Variants in PTPRN2 observed in about 807,000 individuals in gnomAD.
PTPRN2 encodes receptor-type tyrosine-protein phosphatase N2.
A neutral mutation model predicts 118.8 loss-of-function variants in PTPRN2; 74 were observed. That is an observed-to-expected ratio of 0.62 (90% CI 0.52 to 0.76). PTPRN2 has a LOEUF of 0.76. Among genes scored for constraint, PTPRN2 ranks in the 30% least tolerant of loss-of-function variants. The pLI is 0.00. For missense variants in PTPRN2, 1,481 were observed against 1,394.4 expected (o/e 1.06, Z -0.99); for synonymous variants, 641 against 608.0 (o/e 1.05, Z -0.80).
In PTPRN2 at chr7:157,587,894, A is replaced by C. The variant is rs546967677; in HGVS notation, c.2496+7344T>G. ...GGCTCTCCCCATGCCTGGGTTCCCA[A>C]GGTGGCTGTCCCCGTGCCTGGGCTC... On this transcript the variant is annotated intron_variant, in intron 17 of 22. Transcript: ENST00000389418. The surrounding 1 kb of genome is among the most constrained non-coding windows in gnomAD (Gnocchi z 5.3). 7.8e-4 allele frequency among the ~76,000 whole-genome samples: 106 copies of C among 135,650 alleles called. No homozygotes were observed. Among genetic ancestry groups the C allele is most frequent in the African/African-American group, 2.1e-3 (75 of 35,424 alleles). The allele number at this position is 135,650 out of a possible 152,430, so 89.0% of individuals were successfully genotyped here.
At chr7:157,873,716 T>A (rs1795530894) in intron 12 of PTPRN2, among the ~76,000 whole-genome samples, 1 of 151,918 alleles carries the variant, frequency 6.6e-6, no homozygotes, top group Non-Finnish European at 1.5e-5. Flanking sequence ...CGTACTGTCC[T>A]CAAGCAGAAT....
rs1015972241 is a variant in PTPRN2 at position 157,787,434 on chromosome 7, C to T, written c.1789-104497G>A. 3.9e-5 allele frequency among the ~76,000 whole-genome samples: 6 copies of T among 152,112 alleles called. No individual in the cohort carries two copies. Among genetic ancestry groups the T allele is most frequent in the Admixed American group, 6.5e-5 (1 of 15,284 alleles). ...CGCAGCAGCCGGTGGGCCTGGGGGG[C>T]GCGTGGACTCCCAGCTGTTGCTGTG... On this transcript the variant is annotated intron_variant, in intron 12 of 22. Coordinates refer to ENST00000389418, the MANE Select transcript of PTPRN2 (RefSeq NM_002847.5). This position sits in a 1 kb window ranked among gnomAD's most constrained non-coding sequence, Gnocchi z 5.3.
intron 1 of PTPRN2, among the ~76,000 whole-genome samples, chr7:158,498,883 A>G (rs1822151753): frequency 6.6e-6 from 1 of 152,236 alleles, no homozygotes; most frequent in Non-Finnish European, 1.5e-5. Context: ...AATAAAGTGA[A>G]GAAAGGTAGA....
chr7:158,149,781 G>C (rs927482458), intron 6 of PTPRN2, among the ~76,000 whole-genome samples: 2 of 148,368 alleles, frequency 1.3e-5, no homozygotes, highest in African/African-American at 2.5e-5. Context: ...TCCAGCCTGA[G>C]TGACAGAGCA....
intron 2 of PTPRN2, among the ~76,000 whole-genome samples, chr7:158,432,182 C>A (rs1816259339): frequency 6.6e-6 from 1 of 152,178 alleles, no homozygotes; most frequent in Admixed American, 6.5e-5. Flanking sequence ...AGAAGAGAAA[C>A]ACGACACGGT....
intron 12 of PTPRN2, among the ~76,000 whole-genome samples, chr7:157,866,475 C>A (rs776465205): frequency 6.6e-6 from 1 of 152,046 alleles, no homozygotes; most frequent in Non-Finnish European, 1.5e-5. Flanking sequence ...CACCCATATC[C>A]CTCGTGTACA....
chr7:158,143,399 G>C (rs1002152924), intron 6 of PTPRN2, among the ~76,000 whole-genome samples: 3 of 152,212 alleles, frequency 2.0e-5, no homozygotes, highest in African/African-American at 7.2e-5. Flanking sequence ...CATTGGGCAT[G>C]GCTGTCCCCA....
intron 14 of PTPRN2, among the ~76,000 whole-genome samples, chr7:157,654,374 C>T (rs1805928113): frequency 6.6e-6 from 1 of 152,136 alleles, no homozygotes; most frequent in Admixed American, 6.5e-5. Flanking sequence ...CTGCTGGCAT[C>T]GTGGAGTCAG....
At chr7:157,604,548 G>A (rs1180143339) in intron 15 of PTPRN2, among the ~76,000 whole-genome samples, 3 of 152,206 alleles carry the variant, frequency 2.0e-5, no homozygotes, top group Non-Finnish European at 4.4e-5. Context: ...GCAACACACA[G>A]CAGGTAAACA....
chr7:158,326,053 C>T (rs1440237152), intron 2 of PTPRN2, among the ~76,000 whole-genome samples: 1 of 152,200 alleles, frequency 6.6e-6, no homozygotes, highest in South Asian at 2.1e-4. Flanking sequence ...TCAGGGCGCA[C>T]TTTCCAGAGA....
rs1364306787 is a variant in PTPRN2, at chr7:157,794,974, G to A, written c.1788+103699C>T. On this transcript the variant is annotated intron_variant, in intron 12 of 22. Coordinates refer to ENST00000389418, the MANE Select transcript of PTPRN2 (RefSeq NM_002847.5). The surrounding 1 kb of genome is among the most constrained non-coding windows in gnomAD (Gnocchi z 5.2). ...CACTTAGCGGGGATGCAATTATAAA[G>A]TATTGAAACTTCCTCTAAGACATGG... Among the ~76,000 whole-genome samples, 1 of 152,218 alleles carries A rather than the reference G, an allele frequency of 6.6e-6. No homozygotes were observed. Among genetic ancestry groups the A allele is most frequent in the Non-Finnish European group, 1.5e-5 (1 of 68,038 alleles).
At position 157,999,355 on chromosome 7, in the gene PTPRN2, G is replaced by A. The variant is rs117609770; in HGVS notation, c.1723+81943C>T. Among the ~76,000 whole-genome samples the A allele has an allele frequency of 4.9e-3, 747 of 152,262 alleles. 2 individuals carry two copies. The highest frequency in any genetic ancestry group is 8.5e-3 in the Non-Finnish European group (578 of 68,014). On this transcript the variant is annotated intron_variant, in intron 11 of 22. Transcript: ENST00000389418. The stretch of plus-strand genomic sequence containing the variant: ...ATGTGAAATTAGTTTCATGGTGACT[G>A]AGCACCGTGTGCTGCCCGAATTTCT...
chr7:157,942,833 T>C (rs62475403), intron 11 of PTPRN2, among the ~76,000 whole-genome samples: 84,169 of 151,970 alleles, frequency 0.55, 24,910 homozygotes, highest in African/African-American at 0.76. Flanking sequence ...GTCCTTCCTT[T>C]TCATTCCCAC....
At chr7:158,453,564 C>T (rs1028901647) in intron 2 of PTPRN2, among the ~76,000 whole-genome samples, 3 of 151,948 alleles carry the variant, frequency 2.0e-5, no homozygotes, top group African/African-American at 7.3e-5. Context: ...GGAAAAGTGG[C>T]AGCTGCCGCA....
chr7:157,541,909 A>C (rs553639791), intron 22 of PTPRN2, among the ~76,000 whole-genome samples: 1 of 152,324 alleles, frequency 6.6e-6, no homozygotes, highest in African/African-American at 2.4e-5. Context: ...CCTGATGCTG[A>C]CGGAATGGTC....
chr7:157,841,269 C>T (rs192094475), intron 12 of PTPRN2, among the ~76,000 whole-genome samples: 40 of 152,364 alleles, frequency 2.6e-4, no homozygotes, highest in African/African-American at 7.2e-4. Context: ...ACTCCCCACA[C>T]GCTCCCTGTC....
Position 157,984,817 on chromosome 7 carries a change from G to A in PTPRN2, c.1724-86080C>T, listed in dbSNP as rs375917481. On this transcript the variant is annotated intron_variant, in intron 11 of 22. Transcript: ENST00000389418. ...AAGCTCCCTAGTCACAGGACGTGGC[G>A]AGCCCAATACTCACGTCTGCCCCTG... 2.6e-3 allele frequency among the ~76,000 whole-genome samples: 401 copies of A among 152,230 alleles called. 4 individuals are homozygous for A. Among genetic ancestry groups the A allele is most frequent in the African/African-American group, 9.3e-3 (387 of 41,538 alleles).
intron 3 of PTPRN2, among the ~76,000 whole-genome samples, chr7:158,277,804 C>T (rs1799125657): frequency 6.6e-6 from 1 of 152,212 alleles, no homozygotes; most frequent in Admixed American, 6.5e-5. Flanking sequence ...GCTACAGAGG[C>T]TCCTCCTCCC....
At chr7:158,112,992 C>G (rs548619536) in intron 9 of PTPRN2, among the ~76,000 whole-genome samples, 4 of 151,902 alleles carry the variant, frequency 2.6e-5, no homozygotes, top group African/African-American at 9.7e-5. Flanking sequence ...TGCCCCCCAG[C>G]ATTTAGGATC....
Sources: allele counts gnomAD v4.1 joint callset (sites outside exome capture counted in the v4.1 genomes callset), GRCh38; gene constraint gnomAD v4.1.1; non-coding constraint Gnocchi (gnomAD v3.1); transcripts MANE v1.5; gene names NCBI Gene and HGNC (gene_info 2026-07-23, HGNC 2026-07-21).